Variants in KCNQ5 observed in about 807,000 individuals in gnomAD.
The protein encoded by KCNQ5 is potassium voltage-gated channel subfamily Q member 5.
A neutral mutation model predicts 98.2 loss-of-function variants in KCNQ5; 30 were observed. The ratio of observed to expected loss-of-function variants is 0.31; its 90% CI spans 0.23 to 0.41. KCNQ5 has a LOEUF of 0.41. Among genes scored for constraint, KCNQ5 ranks in the 10% least tolerant of loss-of-function variants. The pLI, the probability that KCNQ5 is intolerant of heterozygous loss-of-function variation, is 1.00. For synonymous variants in KCNQ5, 458 were observed against 449.4 expected, an observed-to-expected ratio of 1.02 and a Z score of -0.24; for missense variants, 835 against 1,182.5, an observed-to-expected ratio of 0.71 and a Z score of 4.31.
chr6:72,687,835 C>CT (rs531246586), intron 1 of KCNQ5, among the ~76,000 whole-genome samples: 17,685 of 135,850 alleles, frequency 0.13, 1,295 homozygotes, highest in South Asian at 0.19. Flanking sequence ...TTATTGATCC[C>CT]TTTTTTTTTT....
intron 1 of KCNQ5, among the ~76,000 whole-genome samples, chr6:72,791,119 G>A (rs561925959): frequency 2.6e-5 from 4 of 152,292 alleles, no homozygotes; most frequent in East Asian, 1.9e-4. Flanking sequence ...GAGAAGCTGC[G>A]AGGCCTCTCG....
chr6:73,093,320 C>T (rs551115793), intron 5 of KCNQ5, among the ~76,000 whole-genome samples: 1 of 152,068 alleles, frequency 6.6e-6, no homozygotes, highest in Non-Finnish European at 1.5e-5. Flanking sequence ...ATCTTGCTAA[C>T]GGTCTATCAA....
At chr6:72,897,587 T>C (rs575232733) in intron 1 of KCNQ5, among the ~76,000 whole-genome samples, 21 of 152,282 alleles carry the variant, frequency 1.4e-4, no homozygotes, top group African/African-American at 4.3e-4. Flanking sequence ...ATGAAACTTT[T>C]CTTAACTTTT....
chr6:73,132,054 G>A (rs1374242330), intron 9 of KCNQ5, among the ~76,000 whole-genome samples: 2 of 152,166 alleles, frequency 1.3e-5, no homozygotes, highest in Admixed American at 6.5e-5. Flanking sequence ...CGTTTGTTAA[G>A]CAACTAGGCA....
chr6:73,144,409 C>G (rs1260718830), intron 10 of KCNQ5, among the ~76,000 whole-genome samples: 1 of 152,150 alleles, frequency 6.6e-6, no homozygotes, highest in African/African-American at 2.4e-5. Context: ...CTCCAGCTAC[C>G]AAGAGAATCA....
At chr6:73,167,376 C>T (rs1777844736) in intron 10 of KCNQ5, among the ~76,000 whole-genome samples, 1 of 152,202 alleles carries the variant, frequency 6.6e-6, no homozygotes, top group Admixed American at 6.5e-5. Flanking sequence ...TAACCCCAAA[C>T]TCGTTCTGAT....
At chr6:73,086,839 A>G (rs1313034870) in intron 5 of KCNQ5, among the ~76,000 whole-genome samples, 1 of 152,186 alleles carries the variant, frequency 6.6e-6, no homozygotes, top group Non-Finnish European at 1.5e-5. Flanking sequence ...GGCCTCTCCA[A>G]TGAGGGAGTA....
At chr6:72,786,957 A>T (rs1773780204) in intron 1 of KCNQ5, among the ~76,000 whole-genome samples, 1 of 136,520 alleles carries the variant, frequency 7.3e-6, no homozygotes, top group Non-Finnish European at 1.6e-5. Flanking sequence ...GTGAGCCGAG[A>T]TTGTGCCACT....
intron 1 of KCNQ5, among the ~76,000 whole-genome samples, chr6:72,920,483 A>G (rs1006714856): frequency 6.6e-6 from 1 of 152,176 alleles, no homozygotes; most frequent in Non-Finnish European, 1.5e-5. Context: ...TACGCAGATC[A>G]TTTATACTCC....
intron 2 of KCNQ5, among the ~76,000 whole-genome samples, chr6:73,026,401 C>A (rs1467099554): frequency 2.0e-5 from 3 of 152,126 alleles, no homozygotes; most frequent in African/African-American, 7.2e-5. Flanking sequence ...ACCAACTGAT[C>A]CTTCTGTCTC....
intron 10 of KCNQ5, among the ~76,000 whole-genome samples, chr6:73,161,706 C>T (rs1335921426): frequency 6.6e-6 from 1 of 152,136 alleles, no homozygotes; most frequent in Non-Finnish European, 1.5e-5. Flanking sequence ...TGTCCTTCTT[C>T]CATAAATACC....
At chr6:72,743,750 G>T (rs118151284) in intron 1 of KCNQ5, among the ~76,000 whole-genome samples, 2 of 152,146 alleles carry the variant, frequency 1.3e-5, no homozygotes. Flanking sequence ...TCTCTTTGAC[G>T]AACTGCGGAC....
Position 72,920,951 on chromosome 6 carries a change from A to G in KCNQ5, c.399-82957A>G, listed in dbSNP as rs140521203. ...TGTTCTTCCTTATCTATTTAATTAA[A>G]CTCAATTCAACAGACATTTATTGGA... On this transcript the variant is annotated intron_variant, in intron 1 of 13. Transcript: ENST00000370398. Among the ~76,000 whole-genome samples, 155 of 152,284 alleles carry G rather than the reference A, an allele frequency of 1.0e-3. 1 individual carries two copies. The highest frequency in any genetic ancestry group is 3.3e-3 in the African/African-American group (138 of 41,562).
chr6:73,191,181 G>A (rs1051874177), intron 12 of KCNQ5, among the ~76,000 whole-genome samples: 14 of 151,940 alleles, frequency 9.2e-5, no homozygotes, highest in Admixed American at 2.0e-4. Flanking sequence ...CTGTGAAGAC[G>A]GGCCTTTCTC....
At chr6:73,115,350 G>A (rs965996653) in intron 7 of KCNQ5, among the ~76,000 whole-genome samples, 1 of 152,152 alleles carries the variant, frequency 6.6e-6, no homozygotes, top group African/African-American at 2.4e-5. Context: ...CTCAAGTGCA[G>A]GGAAACTAAG....
In KCNQ5 at chr6:72,818,323, T is replaced by A. The variant is rs139983162; in HGVS notation, c.399-185585T>A. 9.9e-4 allele frequency among the ~76,000 whole-genome samples: 151 copies of A among 152,222 alleles called. No individual in the cohort carries two copies. In the Middle Eastern group the frequency reaches 0.01, roughly 10 times the overall value. Reference sequence around the variant, plus strand: ...AACCATACGTCTCTGATTTAATAAATTTTCTGAGTCTGTATTAATACAGTT... The same window carrying A: ...AACCATACGTCTCTGATTTAATAAAATTTCTGAGTCTGTATTAATACAGTT... On this transcript the variant is annotated intron_variant, in intron 1 of 13. Coordinates refer to ENST00000370398, the MANE Select transcript of KCNQ5 (RefSeq NM_019842.4).
At chr6:73,175,828 G>A (rs772690244) in intron 11 of KCNQ5, among the ~76,000 whole-genome samples, 5 of 151,674 alleles carry the variant, frequency 3.3e-5, no homozygotes, top group Admixed American at 1.3e-4. Flanking sequence ...TGACAGGACG[G>A]TTTGGGCCAA....
intron 1 of KCNQ5, among the ~76,000 whole-genome samples, chr6:72,633,491 T>C (rs1465581803): frequency 6.6e-6 from 1 of 152,248 alleles, no homozygotes; most frequent in Admixed American, 6.5e-5. Flanking sequence ...ACAGATTCAA[T>C]GTTATTCCTG....
Position 72,813,506 on chromosome 6 carries a change from T to C in KCNQ5, c.399-190402T>C, listed in dbSNP as rs117928317. Among the ~76,000 whole-genome samples the C allele has an allele frequency of 4.9e-3, 740 of 152,260 alleles. 4 individuals carry two copies. Among genetic ancestry groups the C allele is most frequent in the Non-Finnish European group, 6.5e-3 (441 of 68,008 alleles). On this transcript the variant is annotated intron_variant, in intron 1 of 13. Transcript: ENST00000370398. ...ACTGTTTTTAATCCAAATGGGCCTC[T>C]TCCTTTACGTCCCACAATTAATAGA...
Sources: gnomAD v4.1 joint callset for allele counts (sites outside exome capture counted in the v4.1 genomes callset) on GRCh38, gnomAD v4.1.1 for gene constraint, MANE v1.5 for transcripts, NCBI Gene and HGNC (gene_info 2026-07-23, HGNC 2026-07-21) for gene names.